Variants in CDK7 observed in about 807,000 individuals in gnomAD.
CDK7 encodes the protein cyclin-dependent kinase 7.
A neutral mutation model predicts 49.1 loss-of-function variants in CDK7; 25 were observed. That is an observed-to-expected ratio of 0.51 (90% CI 0.37 to 0.71). The LOEUF (loss-of-function observed/expected upper bound fraction) is 0.71. CDK7 is among the 30% of genes least tolerant of loss of function. CDK7 has a pLI of 0.00. For missense variants in CDK7, 316 were observed against 411.7 expected, an observed-to-expected ratio of 0.77 and a Z score of 2.01; for synonymous variants, 107 against 140.0, an observed-to-expected ratio of 0.76 and a Z score of 1.67.
chr5:69,247,473 A>G (rs898109001), intron 2 of CDK7, among the ~76,000 whole-genome samples: 1 of 149,998 alleles, frequency 6.7e-6, no homozygotes, highest in African/African-American at 2.4e-5. Flanking sequence ...CTGTATAGTT[A>G]AAGTGTGCTT....
At chr5:69,275,012 C>T (rs1751966297) in intron 10 of CDK7, among the ~76,000 whole-genome samples, 1 of 147,500 alleles carries the variant, frequency 6.8e-6, no homozygotes, top group Non-Finnish European at 1.5e-5. Context: ...TGCAGTGAGC[C>T]AAGATTGTGC....
chr5:69,266,010 C>T (rs894194562), intron 8 of CDK7, among the ~76,000 whole-genome samples: 3 of 152,024 alleles, frequency 2.0e-5, no homozygotes, highest in Non-Finnish European at 4.4e-5. Context: ...ATTGCTTGAG[C>T]CTGGTTGTCA....
intron 2 of CDK7, among the ~76,000 whole-genome samples, chr5:69,247,311 C>T (rs1375960302): frequency 2.0e-5 from 3 of 152,180 alleles, no homozygotes; most frequent in African/African-American, 7.2e-5. Flanking sequence ...TATCCTCTTA[C>T]TGAATTGACG....
chr5:69,243,174 G>A (rs1288374747), intron 2 of CDK7, among the ~76,000 whole-genome samples: 1 of 152,246 alleles, frequency 6.6e-6, no homozygotes. Context: ...CTGAGAAACT[G>A]CAGATACAGG....
chr5:69,241,559 C>T (rs557492553), intron 2 of CDK7, among the ~76,000 whole-genome samples: 3 of 151,774 alleles, frequency 2.0e-5, no homozygotes, highest in African/African-American at 4.8e-5. Context: ...CTCCTGACCA[C>T]GTGATCCGCC....
chr5:69,247,011 C>G (rs932036663), intron 2 of CDK7, among the ~76,000 whole-genome samples: 1 of 152,082 alleles, frequency 6.6e-6, no homozygotes, highest in South Asian at 2.1e-4. Context: ...TGTTTTGTGG[C>G]CTAACATATG....
chr5:69,272,934 C>A lies in CDK7; in HGVS notation c.757C>A (p.Pro253Thr), dbSNP rs1751711036. The A allele has an allele frequency of 6.3e-7, 1 of 1,591,740 alleles. No individual in the cohort carries two copies. The highest frequency in any genetic ancestry group is 1.4e-5 in the African/African-American group (1 of 72,946). ...AGATTATGTGACATTTAAGAGTTTC[C>A]CTGGAATACCTTTGCATCACATCTT... ...LPDYVTFKSF[P>T]GIPLHHIFSA... The change falls in exon 10 of 12, where the codon CCT becomes ACT. Residue 253 changes from proline (P) to threonine (T), a missense_variant. By Grantham distance (38) the Pro-to-Thr change is conservative. Transcript: ENST00000256443.
chr5:69,264,765 G>GT (rs1159389893), intron 8 of CDK7, among the ~76,000 whole-genome samples: 1 of 151,432 alleles, frequency 6.6e-6, no homozygotes, highest in Non-Finnish European at 1.5e-5. Flanking sequence ...AAGGTTGGGA[G>GT]TTTGAGACCA....
At chr5:69,262,463 G>A (rs1366227519) in intron 8 of CDK7, among the ~76,000 whole-genome samples, 159 bp downstream of exon 8, 1 of 152,154 alleles carries the variant, frequency 6.6e-6, no homozygotes, top group Non-Finnish European at 1.5e-5. Context: ...GAGGTCAGGA[G>A]TTCGAAGCCA....
chr5:69,276,433 G>T, intron 10 of CDK7, 110 bp from the exon 11 acceptor site: 2 of 880,272 alleles, frequency 2.3e-6, no homozygotes, highest in East Asian at 5.1e-5. Context: ...TTGGGAATGA[G>T]GGCATTCACA....
chr5:69,247,727 TTTA>T (rs1395192176), intron 2 of CDK7, among the ~76,000 whole-genome samples: 1 of 152,162 alleles, frequency 6.6e-6, no homozygotes, highest in Non-Finnish European at 1.5e-5. Context: ...TTTCTTAATT[TTTA>T]TTTTTTTGTG....
At chr5:69,265,215 A>G (rs529012005) in intron 8 of CDK7, among the ~76,000 whole-genome samples, 14 of 152,260 alleles carry the variant, frequency 9.2e-5, no homozygotes, top group African/African-American at 3.1e-4. Flanking sequence ...CAGTGAGCCA[A>G]GATCGCACCA....
At chr5:69,264,538 TAGAGA>T (rs1751022497) in intron 8 of CDK7, among the ~76,000 whole-genome samples, 1 of 151,746 alleles carries the variant, frequency 6.6e-6, no homozygotes, top group Non-Finnish European at 1.5e-5. Context: ...TGGACTATAG[TAGAGA>T]AAAGATAAAA....
At chr5:69,256,265 C>A (rs956270769) in intron 5 of CDK7, among the ~76,000 whole-genome samples, 1 of 152,134 alleles carries the variant, frequency 6.6e-6, no homozygotes. Context: ...CTCAGCTTTA[C>A]AAATTATATT....
At chr5:69,259,780 C>T in intron 6 of CDK7, 38 bp from the exon 7 acceptor site, 1 of 1,345,202 alleles carries the variant, frequency 7.4e-7, no homozygotes, top group Non-Finnish European at 1.1e-6. Context: ...TTCTCCCCTA[C>T]CCTGCTTATT....
At chr5:69,237,385 G>T (rs1408091564) in intron 2 of CDK7, among the ~76,000 whole-genome samples, 5 of 152,082 alleles carry the variant, frequency 3.3e-5, no homozygotes, top group Non-Finnish European at 7.3e-5. Context: ...ATTTGGTCTG[G>T]CTTCTTGGTT....
intron 9 of CDK7, among the ~76,000 whole-genome samples, chr5:69,271,901 G>GT (rs1243284798): frequency 1.3e-5 from 2 of 150,932 alleles, no homozygotes; most frequent in African/African-American, 4.9e-5. Context: ...TTTATATGAT[G>GT]TGTGAGACTT....
chr5:69,277,358 C>A lies in CDK7; in HGVS notation c.*223C>A. 1 of 398,716 alleles carries A rather than the reference C, an allele frequency of 2.5e-6. No homozygotes were observed. Among genetic ancestry groups the A allele is most frequent in the Non-Finnish European group, 4.5e-6 (1 of 220,728 alleles). The allele number at this position is 398,716 out of a possible 1,614,324, so 24.7% of individuals were successfully genotyped here. A position where few individuals can be genotyped will look rare whatever the true frequency, so the allele number is the denominator to read the frequency against. On this transcript the variant is annotated 3_prime_UTR_variant, in exon 12 of 12. Coordinates refer to ENST00000256443, the MANE Select transcript of CDK7 (RefSeq NM_001799.4). ...GCAAAAGTGAGAAAAGTTCAATACT[C>A]TTGAAATGTAGAATTGAAAATGCAT... is the stretch of plus-strand genomic sequence containing the variant.
chr5:69,250,865 G>A (rs1044016034), intron 2 of CDK7: 2 of 456,510 alleles, frequency 4.4e-6, no homozygotes, highest in African/African-American at 4.0e-5. Flanking sequence ...GATTATTCAG[G>A]GCCCAGGGGC....
Sources: gnomAD v4.1 joint callset for allele counts (sites outside exome capture counted in the v4.1 genomes callset) on GRCh38, gnomAD v4.1.1 for gene constraint, MANE v1.5 for transcripts, NCBI Gene and HGNC (gene_info 2026-07-23, HGNC 2026-07-21) for gene names.